The following STAU2 variants were observed in gnomAD, a reference collection of about 807,000 sequenced individuals.
STAU2 encodes double-stranded RNA-binding protein Staufen homolog 2.
STAU2 carries 20 observed loss-of-function variants against 65.9 expected under a neutral mutation model. The observed-to-expected ratio is 0.30, with a 90% CI of 0.21 to 0.44. The LOEUF is 0.44. Among genes scored for constraint, STAU2 ranks in the 20% least tolerant of loss-of-function variants. The pLI is 1.00. For missense variants in STAU2, 558 were observed against 683.9 expected (o/e 0.82, Z 2.05); for synonymous variants, 232 against 233.9 (o/e 0.99, Z 0.07).
At chr8:73,669,209 A>C in intron 6 of STAU2, 2 of 658,526 alleles carry the variant, frequency 3.0e-6, no homozygotes, top group South Asian at 1.7e-5. Context: ...TTTCAGTTGA[A>C]ACATGGCTTG....
At chr8:73,615,828 A>T (rs1812797134) in intron 7 of STAU2, 46 bp from the exon 8 acceptor site, 1 of 1,428,012 alleles carries the variant, frequency 7.0e-7, no homozygotes, top group Non-Finnish European at 9.8e-7. Flanking sequence ...ACATTATAAC[A>T]AACTTTACTT....
chr8:73,599,242 T>G (rs112473582), intron 10 of STAU2, among the ~76,000 whole-genome samples: 4,320 of 152,252 alleles, frequency 0.028, 174 homozygotes, highest in African/African-American at 0.095. Context: ...CTAGACTTAT[T>G]ATGAAGTTAA....
intron 6 of STAU2, chr8:73,653,830 C>A: frequency 2.4e-6 from 1 of 420,800 alleles, no homozygotes; most frequent in Non-Finnish European, 4.7e-6. Flanking sequence ...GCAGCATTTC[C>A]AAAATTTGTC....
At chr8:73,602,070 G>C (rs900178123) in intron 10 of STAU2, among the ~76,000 whole-genome samples, 2 of 152,052 alleles carry the variant, frequency 1.3e-5, no homozygotes, top group Admixed American at 1.3e-4. Flanking sequence ...TGGGTTCCCA[G>C]GAGTGACTTA....
At chr8:73,734,396 A>G (rs1449989349) in intron 3 of STAU2, among the ~76,000 whole-genome samples, 4 of 152,212 alleles carry the variant, frequency 2.6e-5, no homozygotes, top group Non-Finnish European at 1.5e-5. Context: ...TCCATGTTCT[A>G]TGATAATAAT....
chr8:73,634,508 C>A (rs1166782046), intron 6 of STAU2, among the ~76,000 whole-genome samples: 1 of 152,128 alleles, frequency 6.6e-6, no homozygotes, highest in African/African-American at 2.4e-5. Context: ...AGCCTGGCAA[C>A]AGAGTGAGAC....
intron 12 of STAU2, among the ~76,000 whole-genome samples, chr8:73,573,287 T>C (rs559382144): frequency 6.6e-6 from 1 of 152,378 alleles, no homozygotes; most frequent in South Asian, 2.1e-4. Flanking sequence ...TCCATGCTCA[T>C]GGATAGGAAG....
At chr8:73,737,464 C>A (rs865987633) in intron 3 of STAU2, among the ~76,000 whole-genome samples, 3 of 152,226 alleles carry the variant, frequency 2.0e-5, no homozygotes, top group South Asian at 4.2e-4. Context: ...AGCCACCGTG[C>A]CCAGTCGATT....
intron 8 of STAU2, among the ~76,000 whole-genome samples, chr8:73,614,387 C>T (rs568221955): frequency 6.6e-6 from 1 of 152,192 alleles, no homozygotes; most frequent in African/African-American, 2.4e-5. Context: ...TTCTATAAAC[C>T]ACAAGGCACT....
At chr8:73,631,996 G>C (rs1254530739) in intron 6 of STAU2, among the ~76,000 whole-genome samples, 1 of 151,512 alleles carries the variant, frequency 6.6e-6, no homozygotes, top group Non-Finnish European at 1.5e-5. Flanking sequence ...GGCAAGAAGG[G>C]GGGAGGAGAG....
chr8:73,652,304 CAAAT>C, intron 6 of STAU2: 1 of 152,176 alleles, frequency 6.6e-6, no homozygotes, highest in Non-Finnish European at 1.5e-5. Flanking sequence ...TTTAGACACA[CAAAT>C]AAGAAGAAAA....
chr8:73,720,221 T>C (rs1416508493), intron 3 of STAU2, among the ~76,000 whole-genome samples: 1 of 150,792 alleles, frequency 6.6e-6, no homozygotes, highest in Non-Finnish European at 1.5e-5. Context: ...CAGTGAGCTA[T>C]CATCGGACCA....
chr8:73,700,048 ACAT>A (rs1471820579), intron 4 of STAU2, among the ~76,000 whole-genome samples: 1 of 152,152 alleles, frequency 6.6e-6, no homozygotes, highest in East Asian at 1.9e-4. Flanking sequence ...GTGATACATC[ACAT>A]CAACAAAATG....
intron 10 of STAU2, among the ~76,000 whole-genome samples, chr8:73,599,819 G>A (rs187839009): frequency 4.0e-5 from 6 of 151,820 alleles, no homozygotes; most frequent in Admixed American, 1.3e-4. Context: ...AGGTTCTGGA[G>A]TGCAGTGGCG....
intron 6 of STAU2, among the ~76,000 whole-genome samples, chr8:73,634,031 C>T (rs1448133303): frequency 2.0e-5 from 3 of 152,050 alleles, no homozygotes; most frequent in Admixed American, 6.6e-5. Flanking sequence ...AGGTTATACA[C>T]TTACAGACCA....
At chr8:73,697,663 A>T (rs561043744) in intron 4 of STAU2, among the ~76,000 whole-genome samples, 1 of 152,346 alleles carries the variant, frequency 6.6e-6, no homozygotes, top group Non-Finnish European at 1.5e-5. Context: ...GAGAAACAAC[A>T]AAAAGTTAAA....
At chr8:73,747,284 G>T, upstream of STAU2, 1 of 1,380,530 alleles carries the variant, frequency 7.2e-7, no homozygotes, top group Non-Finnish European at 9.8e-7. Flanking sequence ...GGTGGGCCTG[G>T]GGCAGCCCCT....
intron 12 of STAU2, chr8:73,561,477 A>C (rs1586008133): frequency 1.1e-5 from 5 of 450,728 alleles, no homozygotes; most frequent in Non-Finnish European, 2.2e-5. Flanking sequence ...GTTGCTCGTA[A>C]AATAAAGATC....
chr8:73,678,953 T>C (rs751437198), intron 5 of STAU2, among the ~76,000 whole-genome samples: 6 of 152,186 alleles, frequency 3.9e-5, no homozygotes, highest in Non-Finnish European at 8.8e-5. Context: ...CAAGTGTCTA[T>C]GTGATTTGAT....
Sources: allele counts gnomAD v4.1 joint callset (sites outside exome capture counted in the v4.1 genomes callset), GRCh38; gene constraint gnomAD v4.1.1; transcripts MANE v1.5; gene names NCBI Gene and HGNC (gene_info 2026-07-23, HGNC 2026-07-21).